Variants in TBC1D5 observed in about 807,000 individuals in gnomAD.
The protein encoded by TBC1D5 is TBC1 domain family, member 5.
In TBC1D5, 75 loss-of-function variants were observed where a neutral mutation model predicts 100.3. That is an observed-to-expected ratio of 0.75 (90% CI 0.62 to 0.91). The LOEUF is 0.91. Among genes scored for constraint, TBC1D5 ranks in the 40% least tolerant of loss-of-function variants. The pLI, the probability that TBC1D5 is intolerant of heterozygous loss-of-function variation, is 0.00. For missense variants in TBC1D5, 910 were observed against 942.4 expected, an observed-to-expected ratio of 0.97 and a Z score of 0.45; for synonymous variants, 323 against 325.6, an observed-to-expected ratio of 0.99 and a Z score of 0.09.
At chr3:17,427,511 A>G (rs1000817542) in intron 4 of TBC1D5, among the ~76,000 whole-genome samples, 1 of 151,960 alleles carries the variant, frequency 6.6e-6, no homozygotes, top group Non-Finnish European at 1.5e-5. Flanking sequence ...AATATAAACT[A>G]AGCATAAATT....
intron 1 of TBC1D5, among the ~76,000 whole-genome samples, chr3:17,654,945 C>A (rs1339681261): frequency 6.8e-6 from 1 of 147,826 alleles, no homozygotes. Context: ...AGTTTATTTG[C>A]GTAGAGGTGT....
At chr3:17,252,370 T>C (rs1005927988) in intron 16 of TBC1D5, among the ~76,000 whole-genome samples, 7 of 152,296 alleles carry the variant, frequency 4.6e-5, no homozygotes, top group Admixed American at 2.6e-4. Flanking sequence ...TATCCCAGTT[T>C]TCCTCTGCCC....
At chr3:17,312,068 C>T (rs1228216727) in intron 13 of TBC1D5, among the ~76,000 whole-genome samples, 1 of 151,990 alleles carries the variant, frequency 6.6e-6, no homozygotes, top group Non-Finnish European at 1.5e-5. Context: ...ATTTTAGGCT[C>T]TTATATTGGG....
chr3:17,458,914 T>C (rs1297390196), intron 3 of TBC1D5, among the ~76,000 whole-genome samples: 1 of 152,190 alleles, frequency 6.6e-6, no homozygotes, highest in Non-Finnish European at 1.5e-5. Flanking sequence ...TTGCATGCAT[T>C]GGTACCTTCA....
At chr3:17,230,267 A>G (rs2733504) in intron 17 of TBC1D5, among the ~76,000 whole-genome samples, 71,143 of 151,704 alleles carry the variant, frequency 0.47, 17,975 homozygotes, top group African/African-American at 0.62. Flanking sequence ...TTTCATTTAC[A>G]CTGGGACATT....
At chr3:17,372,271 G>T (rs920940832) in intron 12 of TBC1D5, 24 bp from the exon 13 acceptor site, 19 of 1,565,402 alleles carry the variant, frequency 1.2e-5, no homozygotes, top group Non-Finnish European at 1.6e-5. Flanking sequence ...AATTGAACAT[G>T]TATTATTTAA....
chr3:17,461,293 G>C (rs191274105), intron 3 of TBC1D5, among the ~76,000 whole-genome samples: 81 of 152,254 alleles, frequency 5.3e-4, no homozygotes, highest in Middle Eastern at 3.4e-3. Context: ...ACCTCTGGTT[G>C]GAAGTCTCCT....
intron 13 of TBC1D5, among the ~76,000 whole-genome samples, chr3:17,314,454 G>A (rs2084416529): frequency 6.6e-6 from 1 of 152,024 alleles, no homozygotes; most frequent in Non-Finnish European, 1.5e-5. Flanking sequence ...ATTTATAAAA[G>A]CCTCCTAACC....
intron 3 of TBC1D5, among the ~76,000 whole-genome samples, chr3:17,484,802 G>A (rs1263922371): frequency 6.6e-6 from 1 of 151,990 alleles, no homozygotes; most frequent in Non-Finnish European, 1.5e-5. Context: ...AAGTATATAT[G>A]CTACCATAGA....
intron 14 of TBC1D5, among the ~76,000 whole-genome samples, chr3:17,300,761 G>A (rs1397355127): frequency 2.0e-5 from 3 of 152,138 alleles, no homozygotes; most frequent in African/African-American, 7.2e-5. Context: ...ATAAATATTT[G>A]AGAAATACTT....
chr3:17,515,906 G>C (rs2095980375), intron 2 of TBC1D5, among the ~76,000 whole-genome samples: 2 of 152,070 alleles, frequency 1.3e-5, no homozygotes, highest in African/African-American at 4.8e-5. Flanking sequence ...TTGATCTTTG[G>C]AATCGTTATC....
rs768472037 is a variant in TBC1D5, at chr3:17,437,557, T to C, written c.98-9038A>G. ...CACCTGGGAACAGGTATATAGGTAG[T>C]ATGCATGTGTGTGTGTGTGTGTGTG... On this transcript the variant is annotated intron_variant, in intron 3 of 21. Transcript: ENST00000253692. Among the ~76,000 whole-genome samples, 48 of 147,246 alleles carry C rather than the reference T, an allele frequency of 3.3e-4. No individual in the cohort carries two copies. In the Middle Eastern group the frequency reaches 0.01, roughly 32 times the overall value.
At chr3:17,164,004 G>T (rs1285619625) in intron 21 of TBC1D5, among the ~76,000 whole-genome samples, 3 of 152,208 alleles carry the variant, frequency 2.0e-5, no homozygotes, top group Non-Finnish European at 4.4e-5. Context: ...CAGCTGATTT[G>T]AGTTAGTTCA....
At chr3:17,719,871 T>C (rs1388845079) in intron 1 of TBC1D5, among the ~76,000 whole-genome samples, 1 of 152,194 alleles carries the variant, frequency 6.6e-6, no homozygotes. Context: ...TTTTATAGTG[T>C]CTTTTCTAAT....
intron 17 of TBC1D5, among the ~76,000 whole-genome samples, chr3:17,235,164 G>C (rs1410235428): frequency 6.6e-6 from 1 of 152,074 alleles, no homozygotes. Context: ...CAATTACAGG[G>C]AACATCTGGG....
intron 2 of TBC1D5, among the ~76,000 whole-genome samples, chr3:17,590,385 A>T (rs542588181): frequency 6.6e-6 from 1 of 152,328 alleles, no homozygotes; most frequent in Admixed American, 6.5e-5. Flanking sequence ...GTTGGCTGAA[A>T]TACGGATTAA....
intron 10 of TBC1D5, among the ~76,000 whole-genome samples, chr3:17,375,650 T>C (rs994217219): frequency 3.3e-5 from 5 of 151,610 alleles, no homozygotes; most frequent in Non-Finnish European, 5.9e-5. Context: ...GCAAGTTATA[T>C]ATGGTTATAC....
chr3:17,179,762 T>C (rs2068230858), intron 19 of TBC1D5, among the ~76,000 whole-genome samples: 1 of 152,234 alleles, frequency 6.6e-6, no homozygotes, highest in South Asian at 2.1e-4. Flanking sequence ...TTTTCCTTCA[T>C]TAATTGCATT....
chr3:17,613,772 G>C (rs2061884428), intron 2 of TBC1D5, among the ~76,000 whole-genome samples: 1 of 152,196 alleles, frequency 6.6e-6, no homozygotes, highest in African/African-American at 2.4e-5. Flanking sequence ...GTTCTTTGTA[G>C]ATTCTGGATA....
Sources: allele counts gnomAD v4.1 joint callset (sites outside exome capture counted in the v4.1 genomes callset), GRCh38; gene constraint gnomAD v4.1.1; transcripts MANE v1.5; gene names NCBI Gene and HGNC (gene_info 2026-07-23, HGNC 2026-07-21).